Variants in NDST4 observed in about 807,000 individuals in gnomAD.
NDST4 encodes N-deacetylase and N-sulfotransferase 4, also known as N-heparan sulfate sulfotransferase 4.
Under a neutral mutation model 100.8 loss-of-function variants are expected in NDST4, and 63 were observed. The ratio of observed to expected loss-of-function variants is 0.62; its 90% CI spans 0.51 to 0.77. The LOEUF is 0.77. Among genes scored for constraint, NDST4 ranks in the 30% least tolerant of loss-of-function variants. The pLI is 0.00. For missense variants in NDST4, 943 were observed against 1,018.4 expected (o/e 0.93, Z 1.01); for synonymous variants, 377 against 361.8 (o/e 1.04, Z -0.48).
intron 6 of NDST4, among the ~76,000 whole-genome samples, chr4:114,876,686 T>C (rs1303110024): frequency 6.6e-6 from 1 of 152,180 alleles, no homozygotes; most frequent in Non-Finnish European, 1.5e-5. Context: ...CTAATATAAC[T>C]ATATTAATCT....
intron 2 of NDST4, among the ~76,000 whole-genome samples, chr4:115,049,181 G>T (rs495797): frequency 0.27 from 40,252 of 151,842 alleles, 7,760 homozygotes; most frequent in African/African-American, 0.52. Context: ...TTGAAACTTT[G>T]GTTTCGCAGC....
rs140888033 is a variant in NDST4, at chr4:114,918,359, A to G, written c.1536+16847T>C. 7.9e-3 allele frequency among the ~76,000 whole-genome samples: 1,013 copies of G among 127,758 alleles called. 12 individuals are homozygous for G. Among genetic ancestry groups the G allele is most frequent in the African/African-American group, 0.029 (963 of 33,132 alleles). The allele number at this position is 127,758 out of a possible 152,430, so 83.8% of individuals were successfully genotyped here. A position where few individuals can be genotyped will look rare whatever the true frequency, so the allele number is the denominator to read the frequency against. On this transcript the variant is annotated intron_variant, in intron 6 of 13. Coordinates refer to ENST00000264363, the MANE Select transcript of NDST4 (RefSeq NM_022569.3). Reference sequence around the variant, plus strand: ...ACTTCCCTTTCTAGAATCAAACCACAGGAAGAGGAATATCACACTCTGGGG... The same window carrying G: ...ACTTCCCTTTCTAGAATCAAACCACGGGAAGAGGAATATCACACTCTGGGG...
chr4:114,990,975 T>A (rs1467356433), intron 2 of NDST4, among the ~76,000 whole-genome samples: 2 of 152,108 alleles, frequency 1.3e-5, no homozygotes, highest in Admixed American at 1.3e-4. Flanking sequence ...AACCTCATTT[T>A]AATGAGTTCA....
intron 1 of NDST4, among the ~76,000 whole-genome samples, chr4:115,089,429 C>G (rs1002757303): frequency 6.6e-6 from 1 of 151,794 alleles, no homozygotes; most frequent in East Asian, 1.9e-4. Context: ...TTGCTTCAAA[C>G]TATAAAATTC....
At position 114,883,001 on chromosome 4, in the gene NDST4, T is replaced by G. The variant is rs1417782794; in HGVS notation, c.1537-12051A>C. Among the ~76,000 whole-genome samples, 3 of 151,950 alleles carry G rather than the reference T, an allele frequency of 2.0e-5. No homozygotes were observed. The East Asian group carries it at 5.8e-4, about 29-fold the overall frequency. ...TCTGGGATTCTATATCCAACAAAGT[T>G]ATCATTCAAAAGTGAATGAGAAATA... On this transcript the variant is annotated intron_variant, in intron 6 of 13. Coordinates refer to ENST00000264363, the MANE Select transcript of NDST4 (RefSeq NM_022569.3).
At chr4:114,975,438 G>C (rs1726611243) in intron 3 of NDST4, among the ~76,000 whole-genome samples, 1 of 152,034 alleles carries the variant, frequency 6.6e-6, no homozygotes, top group Admixed American at 6.6e-5. Context: ...AATAATGCCT[G>C]CTTAAAAGAT....
chr4:115,017,283 T>C (rs1377095375), intron 2 of NDST4, among the ~76,000 whole-genome samples: 1 of 152,056 alleles, frequency 6.6e-6, no homozygotes, highest in Non-Finnish European at 1.5e-5. Flanking sequence ...GATGGATTGC[T>C]AAGGATTCTC....
chr4:115,089,508 T>G (rs1432357132), intron 1 of NDST4, among the ~76,000 whole-genome samples: 1 of 151,934 alleles, frequency 6.6e-6, no homozygotes, highest in Non-Finnish European at 1.5e-5. Flanking sequence ...CCTCTAAATC[T>G]CTGAAGAATA....
intron 6 of NDST4, among the ~76,000 whole-genome samples, chr4:114,904,901 A>G (rs868650024): frequency 2.6e-5 from 4 of 151,972 alleles, no homozygotes; most frequent in African/African-American, 9.7e-5. Flanking sequence ...ACAATCCACA[A>G]TTAAAGACTG....
chr4:114,855,211 T>C (rs568937801), intron 7 of NDST4, among the ~76,000 whole-genome samples: 1 of 151,712 alleles, frequency 6.6e-6, no homozygotes, highest in Admixed American at 6.6e-5. Flanking sequence ...TAGTTGCAAA[T>C]ATTTTACTTC....
chr4:115,003,840 C>T (rs1727352710), intron 2 of NDST4, among the ~76,000 whole-genome samples: 1 of 151,818 alleles, frequency 6.6e-6, no homozygotes, highest in African/African-American at 2.4e-5. Context: ...TGCATTCCAG[C>T]CCAGGCGACA....
intron 1 of NDST4, among the ~76,000 whole-genome samples, chr4:115,086,165 T>A (rs578131): frequency 0.21 from 32,328 of 151,990 alleles, 4,420 homozygotes; most frequent in East Asian, 0.46. Flanking sequence ...AAATATCCAA[T>A]ATTGATTAAA....
intron 2 of NDST4, among the ~76,000 whole-genome samples, chr4:115,075,115 C>T (rs1032020816): frequency 1.3e-5 from 2 of 152,002 alleles, no homozygotes; most frequent in Admixed American, 1.3e-4. Context: ...AGAAGTGCTA[C>T]CAGTAACACT....
At chr4:115,014,592 G>T (rs1378220811) in intron 2 of NDST4, among the ~76,000 whole-genome samples, 1 of 151,986 alleles carries the variant, frequency 6.6e-6, no homozygotes, top group Non-Finnish European at 1.5e-5. Flanking sequence ...ACAGAAAAAG[G>T]CTCTGCAGTA....
At chr4:114,957,726 G>C (rs1726170556) in intron 4 of NDST4, among the ~76,000 whole-genome samples, 1 of 152,104 alleles carries the variant, frequency 6.6e-6, no homozygotes, top group Non-Finnish European at 1.5e-5. Context: ...AGATACAATG[G>C]GGATACACAT....
chr4:114,963,014 G>A (rs542803659), intron 4 of NDST4, among the ~76,000 whole-genome samples: 1 of 152,182 alleles, frequency 6.6e-6, no homozygotes, highest in South Asian at 2.1e-4. Context: ...TCATCAAAAT[G>A]TTAAACATAA....
intron 7 of NDST4, among the ~76,000 whole-genome samples, chr4:114,856,473 T>G (rs1468283560): frequency 6.6e-6 from 1 of 152,204 alleles, no homozygotes; most frequent in Admixed American, 6.5e-5. Context: ...ACAAATACTT[T>G]TAAATATAAC....
chr4:115,006,713 G>T (rs1727425723), intron 2 of NDST4, among the ~76,000 whole-genome samples: 1 of 151,984 alleles, frequency 6.6e-6, no homozygotes, highest in African/African-American at 2.4e-5. Flanking sequence ...TATATAAATT[G>T]TACATAAGGA....
chr4:114,841,776 T>G (rs1225293872), intron 10 of NDST4, among the ~76,000 whole-genome samples: 1 of 152,212 alleles, frequency 6.6e-6, no homozygotes, highest in East Asian at 1.9e-4. Flanking sequence ...TTGTACCTTG[T>G]GGGAAATACT....
Sources: allele counts gnomAD v4.1 joint callset (sites outside exome capture counted in the v4.1 genomes callset), GRCh38; gene constraint gnomAD v4.1.1; transcripts MANE v1.5; gene names NCBI Gene and HGNC (gene_info 2026-07-23, HGNC 2026-07-21).